Variants in SPOCK3 observed in about 807,000 individuals in gnomAD.
The protein encoded by SPOCK3 is testican-3.
In SPOCK3, 30 loss-of-function variants were observed where a neutral mutation model predicts 56.6. The ratio of observed to expected loss-of-function variants is 0.53; its 90% CI spans 0.40 to 0.72. The LOEUF is 0.72. SPOCK3 is among the 30% of genes least tolerant of loss of function. The pLI is 0.00. For synonymous variants in SPOCK3, 196 were observed against 183.3 expected, an observed-to-expected ratio of 1.07 and a Z score of -0.56; for missense variants, 527 against 530.0, an observed-to-expected ratio of 0.99 and a Z score of 0.06.
intron 4 of SPOCK3, among the ~76,000 whole-genome samples, chr4:166,936,067 T>C (rs963006834): frequency 6.6e-6 from 1 of 152,168 alleles, no homozygotes; most frequent in African/African-American, 2.4e-5. Context: ...ATTTAATAAA[T>C]ATCTGCATCT....
At chr4:166,789,410 C>T (rs1255947034) in intron 7 of SPOCK3, among the ~76,000 whole-genome samples, 1 of 151,950 alleles carries the variant, frequency 6.6e-6, no homozygotes, top group Admixed American at 6.6e-5. Context: ...GCCTGGGCAA[C>T]AAGAGCGAAA....
chr4:166,944,712 T>C lies in SPOCK3; in HGVS notation c.351-31969A>G, dbSNP rs141556142. Among the ~76,000 whole-genome samples, 5 of 150,636 alleles carry C rather than the reference T, an allele frequency of 3.3e-5. No individual in the cohort carries two copies. In the East Asian group the frequency reaches 9.8e-4, roughly 30 times the overall value. On this transcript the variant is annotated intron_variant, in intron 4 of 10. Coordinates refer to ENST00000357545, the MANE Select transcript of SPOCK3 (RefSeq NM_001040159.2). ...GAAATTACATATTATTTTTGTCACA[T>C]CTTCTTATGTGGCTCATAATTTATT...
At chr4:167,176,777 A>T (rs537846355) in intron 2 of SPOCK3, among the ~76,000 whole-genome samples, 328 of 152,220 alleles carry the variant, frequency 2.2e-3, no homozygotes, top group African/African-American at 6.9e-3. Context: ...AATCCTCAGC[A>T]TTTGCAAGCA....
At chr4:167,125,174 G>A (rs1762158426) in intron 2 of SPOCK3, among the ~76,000 whole-genome samples, 1 of 150,294 alleles carries the variant, frequency 6.7e-6, no homozygotes, top group Non-Finnish European at 1.5e-5. Flanking sequence ...AAGGTTCTTT[G>A]TATGAGCACA....
At chr4:166,762,171 C>T (rs1302615714) in intron 7 of SPOCK3, among the ~76,000 whole-genome samples, 1 of 152,044 alleles carries the variant, frequency 6.6e-6, no homozygotes, top group Non-Finnish European at 1.5e-5. Context: ...AAACAGTAAA[C>T]ATGAATTCCT....
intron 4 of SPOCK3, among the ~76,000 whole-genome samples, chr4:166,941,830 T>C (rs76078059): frequency 1.3e-5 from 2 of 152,082 alleles, no homozygotes; most frequent in African/African-American, 2.4e-5. Context: ...TAGGGAACCG[T>C]GTGATGAGCC....
At chr4:167,160,417 C>T (rs1765193174) in intron 2 of SPOCK3, among the ~76,000 whole-genome samples, 1 of 152,084 alleles carries the variant, frequency 6.6e-6, no homozygotes, top group South Asian at 2.1e-4. Flanking sequence ...GAAGAACATT[C>T]CATGCTCATG....
intron 2 of SPOCK3, among the ~76,000 whole-genome samples, chr4:167,205,860 C>T (rs1218386662): frequency 6.6e-6 from 1 of 151,288 alleles, no homozygotes; most frequent in Non-Finnish European, 1.5e-5. Flanking sequence ...CTGCCCACCT[C>T]AGCCTTCCAA....
chr4:167,052,572 T>C (rs1754336949), intron 3 of SPOCK3, among the ~76,000 whole-genome samples: 1 of 152,202 alleles, frequency 6.6e-6, no homozygotes, highest in African/African-American at 2.4e-5. Flanking sequence ...ACTGTAATCA[T>C]GTAATCATCC....
chr4:166,898,753 C>A (rs931733670), intron 5 of SPOCK3, among the ~76,000 whole-genome samples: 1 of 152,132 alleles, frequency 6.6e-6, no homozygotes, highest in Admixed American at 6.6e-5. Context: ...GAGATGGAAA[C>A]CTCTTATCGT....
At chr4:167,019,983 T>C (rs1751012022) in intron 3 of SPOCK3, among the ~76,000 whole-genome samples, 1 of 151,944 alleles carries the variant, frequency 6.6e-6, no homozygotes, top group East Asian at 1.9e-4. Flanking sequence ...TGGGTTGCTA[T>C]GAGTGACTGG....
At chr4:167,195,674 C>CA (rs1452484131) in intron 2 of SPOCK3, among the ~76,000 whole-genome samples, 38 of 152,088 alleles carry the variant, frequency 2.5e-4, no homozygotes, top group African/African-American at 8.9e-4. Flanking sequence ...TTTTCAGGTC[C>CA]CTTGGTAGAT....
intron 4 of SPOCK3, among the ~76,000 whole-genome samples, chr4:166,988,356 A>G (rs1358336184): frequency 6.6e-6 from 1 of 152,124 alleles, no homozygotes; most frequent in Non-Finnish European, 1.5e-5. Flanking sequence ...TGTGAACAAA[A>G]TGCTGAATTT....
At position 166,889,258 on chromosome 4, in the gene SPOCK3, G is replaced by GA. The variant is rs751168770; in HGVS notation, c.475-15dup. On this transcript the variant is annotated splice_polypyrimidine_tract_variant and intron_variant, in intron 5 of 10. Transcript: ENST00000357545. ...TTCTAGTTTGCACTGTATAAAAAGA[G>GA]AAAAAAAAAGTAATTCAAATGCTTT... The GA allele has an allele frequency of 5.0e-4, 711 of 1,426,076 alleles. No homozygotes were observed. The highest frequency in any genetic ancestry group is 1.1e-3 in the Admixed American group (56 of 49,554). 88.3% of individuals were successfully genotyped at this position (1,426,076 alleles called of 1,614,324 possible). A position where few individuals can be genotyped will look rare whatever the true frequency, so the allele number is the denominator to read the frequency against.
At chr4:167,231,372 G>A (rs1737162132) in intron 2 of SPOCK3, among the ~76,000 whole-genome samples, 1 of 151,926 alleles carries the variant, frequency 6.6e-6, no homozygotes, top group Non-Finnish European at 1.5e-5. Context: ...GCTTTCCAAG[G>A]CTTTTGTATA....
At chr4:166,816,455 A>G (rs1744394517) in intron 6 of SPOCK3, among the ~76,000 whole-genome samples, 1 of 151,962 alleles carries the variant, frequency 6.6e-6, no homozygotes, top group Non-Finnish European at 1.5e-5. Context: ...AGGATTTTTA[A>G]TTAATTTCAT....
At chr4:166,994,909 T>C (rs1334745891) in intron 4 of SPOCK3, among the ~76,000 whole-genome samples, 1 of 152,138 alleles carries the variant, frequency 6.6e-6, no homozygotes, top group African/African-American at 2.4e-5. Flanking sequence ...GGCTAAAACA[T>C]GCTGAGAAAC....
chr4:166,774,397 G>A (rs1407980205), intron 7 of SPOCK3, among the ~76,000 whole-genome samples: 1 of 152,226 alleles, frequency 6.6e-6, no homozygotes, highest in East Asian at 1.9e-4. Flanking sequence ...TCAGGGGTCT[G>A]TGGAGTAAAC....
chr4:167,175,699 C>A (rs569503879), intron 2 of SPOCK3, among the ~76,000 whole-genome samples: 1 of 152,034 alleles, frequency 6.6e-6, no homozygotes, highest in African/African-American at 2.4e-5. Flanking sequence ...AACAGAGGCC[C>A]GGAACAGATC....
Sources: gnomAD v4.1 joint callset for allele counts (sites outside exome capture counted in the v4.1 genomes callset) on GRCh38, gnomAD v4.1.1 for gene constraint, MANE v1.5 for transcripts, NCBI Gene and HGNC (gene_info 2026-07-23, HGNC 2026-07-21) for gene names.